KLHL29: variants seen among roughly 807,000 people sequenced by gnomAD.
KLHL29 encodes kelch like family member 29.
In KLHL29, 21 loss-of-function variants were observed where a neutral mutation model predicts 80.4. The ratio of observed to expected loss-of-function variants is 0.26; its 90% CI spans 0.19 to 0.38. KLHL29 has a LOEUF of 0.38. Among genes scored for constraint, KLHL29 ranks in the 10% least tolerant of loss-of-function variants. KLHL29 has a pLI of 1.00. For missense variants in KLHL29, 867 were observed against 1,223.9 expected, an observed-to-expected ratio of 0.71 and a Z score of 4.35; for synonymous variants, 511 against 526.8, an observed-to-expected ratio of 0.97 and a Z score of 0.41.
chr2:23,607,408 A>G (rs1668754528), intron 3 of KLHL29, among the ~76,000 whole-genome samples: 5 of 152,234 alleles, frequency 3.3e-5, no homozygotes, highest in Admixed American at 3.3e-4. Context: ...ATTGAGAAGC[A>G]GAGGGGATGC....
At chr2:23,585,107 C>T (rs931385256) in intron 3 of KLHL29, among the ~76,000 whole-genome samples, 3 of 152,214 alleles carry the variant, frequency 2.0e-5, no homozygotes, top group South Asian at 2.1e-4. Context: ...GAGCAGGAAA[C>T]GGCTGTCAGA....
In KLHL29 at chr2:23,385,182, C is replaced by A. The variant is rs1182551659; in HGVS notation, c.-752C>A. ...CCGCCTCCCTCGCAGCTAAAGCAGA[C>A]GGTACCCGGAGCGGAGCGAGCCAGA... On this transcript the variant is annotated 5_prime_UTR_variant, in exon 1 of 14. Coordinates refer to ENST00000486442, the MANE Select transcript of KLHL29 (RefSeq NM_052920.2). The A allele has an allele frequency of 4.1e-5, 6 of 147,228 alleles. No individual in the cohort carries two copies. The highest frequency in any genetic ancestry group is 1.8e-4 in the South Asian group (1 of 5,624). 9.1% of individuals were successfully genotyped at this position (147,228 alleles called of 1,614,324 possible).
At chr2:23,459,179 T>C (rs182602819) in intron 1 of KLHL29, among the ~76,000 whole-genome samples, 2 of 152,298 alleles carry the variant, frequency 1.3e-5, no homozygotes, top group Admixed American at 1.3e-4. Flanking sequence ...GTTGGTGTGC[T>C]CTATTCTGAG....
At chr2:23,520,039 T>C (rs562647349) in intron 2 of KLHL29, among the ~76,000 whole-genome samples, 1 of 152,336 alleles carries the variant, frequency 6.6e-6, no homozygotes, top group East Asian at 1.9e-4. Flanking sequence ...TTAGAGATTT[T>C]GGAGGCCCCA....
intron 5 of KLHL29, among the ~76,000 whole-genome samples, chr2:23,654,702 G>GGC (rs1553350645): frequency 2.6e-5 from 3 of 114,692 alleles, no homozygotes; most frequent in Non-Finnish European, 4.0e-5. Flanking sequence ...AGGTTGGGGG[G>GGC]GGGGGGTGGA....
intron 3 of KLHL29, among the ~76,000 whole-genome samples, chr2:23,580,301 G>T (rs1199606254): frequency 6.6e-5 from 10 of 151,718 alleles, no homozygotes; most frequent in Admixed American, 6.6e-4. Flanking sequence ...GAACCCAGGA[G>T]GCAGAGCTTG....
intron 8 of KLHL29, among the ~76,000 whole-genome samples, chr2:23,694,358 C>T (rs1671812357): frequency 6.6e-6 from 1 of 152,214 alleles, no homozygotes; most frequent in Non-Finnish European, 1.5e-5. Flanking sequence ...CGACTTCCCT[C>T]TCCCCATCGA....
Position 23,680,972 on chromosome 2 carries a change from G to A in KLHL29, c.941-3427G>A, listed in dbSNP as rs768609677. 1.5e-4 allele frequency among the ~76,000 whole-genome samples: 23 copies of A among 152,282 alleles called. No individual in the cohort carries two copies. Among genetic ancestry groups the A allele is most frequent in the Middle Eastern group, 3.4e-3 (1 of 294 alleles). ...TTGTTGGAAGATCTCCCCAGACCCC[G>A]CAGCAATCCCACACACCTCACTTGG... On this transcript the variant is annotated intron_variant, in intron 5 of 13. Coordinates refer to ENST00000486442, the MANE Select transcript of KLHL29 (RefSeq NM_052920.2). The surrounding 1 kb of genome is among the most constrained non-coding windows in gnomAD (Gnocchi z 4.1).
intron 1 of KLHL29, among the ~76,000 whole-genome samples, chr2:23,391,825 A>G (rs1666329203): frequency 6.6e-6 from 1 of 152,248 alleles, no homozygotes; most frequent in Non-Finnish European, 1.5e-5. Context: ...ATACTGTCCA[A>G]TAAAGAATGC....
intron 3 of KLHL29, among the ~76,000 whole-genome samples, chr2:23,586,779 T>C (rs555667055): frequency 6.6e-6 from 1 of 152,250 alleles, no homozygotes; most frequent in Admixed American, 6.5e-5. Flanking sequence ...CCCCTCAGCC[T>C]CGAGAGGGCT....
At chr2:23,677,267 A>G (rs1670950906) in intron 5 of KLHL29, among the ~76,000 whole-genome samples, 1 of 152,210 alleles carries the variant, frequency 6.6e-6, no homozygotes, top group African/African-American at 2.4e-5. Flanking sequence ...TGCTCAGTAA[A>G]TAGGCCTTGT....
chr2:23,654,440 G>C (rs1030341570), intron 5 of KLHL29, among the ~76,000 whole-genome samples: 1 of 152,202 alleles, frequency 6.6e-6, no homozygotes, highest in Non-Finnish European at 1.5e-5. Flanking sequence ...TTCAGGAATT[G>C]ATTGATCCAA....
intron 8 of KLHL29, among the ~76,000 whole-genome samples, chr2:23,694,568 A>C (rs1032978533): frequency 1.3e-5 from 2 of 152,178 alleles, no homozygotes; most frequent in Non-Finnish European, 2.9e-5. Flanking sequence ...GTCCTTGTTG[A>C]GCATGAGCAT....
At chr2:23,448,490 G>GGGGATT (rs1663772759) in intron 1 of KLHL29, among the ~76,000 whole-genome samples, 1 of 152,190 alleles carries the variant, frequency 6.6e-6, no homozygotes. Context: ...GATTAATAGA[G>GGGGATT]GGGATTGGGA....
chr2:23,658,431 C>T (rs1306885197), intron 5 of KLHL29, among the ~76,000 whole-genome samples: 2 of 152,192 alleles, frequency 1.3e-5, no homozygotes, highest in Admixed American at 1.3e-4. Flanking sequence ...AGAGGGCAGG[C>T]AGCCTCATTC....
intron 3 of KLHL29, among the ~76,000 whole-genome samples, chr2:23,608,473 A>G (rs947123793): frequency 2.0e-5 from 3 of 150,084 alleles, no homozygotes; most frequent in Admixed American, 2.0e-4. Context: ...CTTATCTTCT[A>G]TGCCTGGAAT....
At position 23,695,826 on chromosome 2, in the gene KLHL29, GA is replaced by G; in HGVS notation, c.1741+7del. On this transcript the variant is annotated splice_donor_region_variant and intron_variant, in intron 9 of 13. Coordinates refer to ENST00000486442, the MANE Select transcript of KLHL29 (RefSeq NM_052920.2). The surrounding 1 kb of genome is among the most constrained non-coding windows in gnomAD (Gnocchi z 7.6). ...CCCGGCCGCGCCTCTCTGCAGGTAT[GA>G]AGGGGCACGCCCCGAACCTCCCAAG... The G allele has an allele frequency of 6.5e-7, 1 of 1,546,336 alleles. No homozygotes were observed. The highest frequency in any genetic ancestry group is 1.2e-5 in the South Asian group (1 of 83,274).
intron 2 of KLHL29, chr2:23,524,033 T>C (rs897013232): frequency 6.4e-6 from 3 of 471,594 alleles, no homozygotes; most frequent in Non-Finnish European, 1.3e-5. Context: ...ATGAGTTTTT[T>C]TTACCAGCAT....
chr2:23,474,260 TTAAA>T (rs1387008281), intron 1 of KLHL29, among the ~76,000 whole-genome samples: 35 of 152,308 alleles, frequency 2.3e-4, no homozygotes, highest in African/African-American at 8.2e-4. Flanking sequence ...TCAATATTTA[TTAAA>T]TGAATGAATG....
Sources: allele counts gnomAD v4.1 joint callset (sites outside exome capture counted in the v4.1 genomes callset), GRCh38; gene constraint gnomAD v4.1.1; non-coding constraint Gnocchi (gnomAD v3.1); transcripts MANE v1.5; gene names NCBI Gene and HGNC (gene_info 2026-07-23, HGNC 2026-07-21).